Variants in MCPH1 observed in about 807,000 individuals in gnomAD.
MCPH1 encodes the protein microcephalin.
A neutral mutation model predicts 84.5 loss-of-function variants in MCPH1; 104 were observed. The ratio of observed to expected loss-of-function variants is 1.23; its 90% CI spans 1.05 to 1.45. The LOEUF (loss-of-function observed/expected upper bound fraction) is 1.45, where lower values mean the gene tolerates loss of function less well. Among genes scored for constraint, MCPH1 ranks in the 40% most tolerant of loss-of-function variants. The probability of loss-of-function intolerance (pLI) is 0.00; values close to 1 mark genes in which losing one functional copy is unlikely to be tolerated. For missense variants in MCPH1, 1,498 were observed against 1,005.7 expected, an observed-to-expected ratio of 1.49 and a Z score of -6.62; for synonymous variants, 514 against 366.8, an observed-to-expected ratio of 1.40 and a Z score of -4.58.
chr8:6,618,054 T>C (rs1831030263), intron 12 of MCPH1, among the ~76,000 whole-genome samples: 1 of 152,102 alleles, frequency 6.6e-6, no homozygotes, highest in African/African-American at 2.4e-5. Flanking sequence ...TTACAGGTGT[T>C]AGCCACTTTG....
At chr8:6,451,893 C>T (rs1805133302) in intron 8 of MCPH1, among the ~76,000 whole-genome samples, 2 of 152,186 alleles carry the variant, frequency 1.3e-5, no homozygotes, top group Admixed American at 1.3e-4. Context: ...TTGACTCTTG[C>T]ATAGTGCATT....
intron 11 of MCPH1, among the ~76,000 whole-genome samples, chr8:6,486,094 A>G (rs1191175786): frequency 1.3e-5 from 2 of 152,170 alleles, no homozygotes; most frequent in Admixed American, 6.5e-5. Flanking sequence ...TGCCACCACC[A>G]TTTACAAAGC....
chr8:6,479,150 C>G lies in MCPH1; in HGVS notation c.1973+1519C>G, dbSNP rs1215201708. Among the ~76,000 whole-genome samples, 4 of 152,006 alleles carry G rather than the reference C, an allele frequency of 2.6e-5. No homozygotes were observed. The East Asian group carries it at 5.8e-4, about 22-fold the overall frequency. ...ACTTGGTGGTGAATTGCCTATAGTC[C>G]CAACTACTTGGGAGGATAAGGCAGG... On this transcript the variant is annotated intron_variant, in intron 10 of 13. Transcript: ENST00000344683.
At chr8:6,485,940 G>C (rs987593515) in intron 11 of MCPH1, among the ~76,000 whole-genome samples, 1 of 152,110 alleles carries the variant, frequency 6.6e-6, no homozygotes. Context: ...CCCTCAAAAA[G>C]TTTAGAAACA....
At chr8:6,513,133 C>T (rs915599397) in intron 12 of MCPH1, among the ~76,000 whole-genome samples, 1 of 152,140 alleles carries the variant, frequency 6.6e-6, no homozygotes, top group African/African-American at 2.4e-5. Context: ...TTCTTCTAGG[C>T]TTTGAAGATA....
At chr8:6,604,580 C>T (rs1372123378) in intron 12 of MCPH1, among the ~76,000 whole-genome samples, 1 of 152,264 alleles carries the variant, frequency 6.6e-6, no homozygotes, top group Non-Finnish European at 1.5e-5. Flanking sequence ...ACTCGGCTCA[C>T]TGCAATCTCT....
At chr8:6,580,112 G>A (rs973264391) in intron 12 of MCPH1, among the ~76,000 whole-genome samples, 20 of 152,212 alleles carry the variant, frequency 1.3e-4, no homozygotes, top group Admixed American at 2.0e-4. Context: ...GGGACAATGG[G>A]AAGTATCGGT....
chr8:6,443,166 C>T (rs749495864), intron 7 of MCPH1, among the ~76,000 whole-genome samples: 5 of 152,198 alleles, frequency 3.3e-5, no homozygotes, highest in Non-Finnish European at 5.9e-5. Context: ...AAAACCAGGA[C>T]ACAGAGGTCA....
intron 12 of MCPH1, among the ~76,000 whole-genome samples, chr8:6,572,460 A>C (rs1044978684): frequency 3.9e-5 from 6 of 152,230 alleles, no homozygotes; most frequent in African/African-American, 1.4e-4. Flanking sequence ...TTGTTATTAC[A>C]ATTGTTAATG....
At chr8:6,613,401 T>C (rs1383138760) in intron 12 of MCPH1, among the ~76,000 whole-genome samples, 2 of 151,748 alleles carry the variant, frequency 1.3e-5, no homozygotes, top group Admixed American at 1.3e-4. Context: ...TAACCCGGGT[T>C]GTGGTTTGAC....
intron 12 of MCPH1, among the ~76,000 whole-genome samples, chr8:6,536,655 C>T (rs755075570): frequency 6.6e-6 from 1 of 152,094 alleles, no homozygotes; most frequent in African/African-American, 2.4e-5. Context: ...GGATGTCCAT[C>T]ATATAGTATA....
chr8:6,559,414 A>G (rs1393580672), intron 12 of MCPH1, among the ~76,000 whole-genome samples: 1 of 152,198 alleles, frequency 6.6e-6, no homozygotes, highest in Non-Finnish European at 1.5e-5. Context: ...CTCATATATT[A>G]TTAAAAAGAT....
chr8:6,611,075 C>T (rs138793115), intron 12 of MCPH1, among the ~76,000 whole-genome samples: 19 of 152,134 alleles, frequency 1.2e-4, no homozygotes, highest in African/African-American at 4.3e-4. Flanking sequence ...ACTACTGCTA[C>T]TGCTTCTACT....
chr8:6,474,587 C>T (rs936986350), intron 9 of MCPH1, among the ~76,000 whole-genome samples: 9 of 152,124 alleles, frequency 5.9e-5, no homozygotes, highest in African/African-American at 1.9e-4. Context: ...GTTAATGATT[C>T]AATTTGATTA....
chr8:6,581,588 A>T (rs932126617), intron 12 of MCPH1, among the ~76,000 whole-genome samples: 1 of 152,240 alleles, frequency 6.6e-6, no homozygotes, highest in Non-Finnish European at 1.5e-5. Context: ...TATTCTTACA[A>T]AACACAGTTA....
chr8:6,484,656 G>A (rs1464521554), intron 11 of MCPH1, among the ~76,000 whole-genome samples: 1 of 152,238 alleles, frequency 6.6e-6, no homozygotes, highest in Non-Finnish European at 1.5e-5. Flanking sequence ...TCAACCAGCT[G>A]GACCAACCAT....
intron 12 of MCPH1, among the ~76,000 whole-genome samples, chr8:6,582,468 A>G (rs769999626): frequency 2.0e-5 from 3 of 152,198 alleles, no homozygotes; most frequent in Non-Finnish European, 4.4e-5. Flanking sequence ...TTAACCTCAG[A>G]CACACAGAAT....
intron 13 of MCPH1, among the ~76,000 whole-genome samples, chr8:6,632,272 G>A (rs1267753452): frequency 6.6e-6 from 1 of 152,192 alleles, no homozygotes; most frequent in Non-Finnish European, 1.5e-5. Context: ...AGTGATGGCT[G>A]CACAGCATTG....
At position 6,480,777 on chromosome 8, in the gene MCPH1, C is replaced by G. The variant is rs760830408; in HGVS notation, c.2037C>G (p.Val679=). ...KLKGFSIAPD[V]CETTTHVLSG... Reference sequence around the variant, plus strand: ...AAGGCTTTTCAATTGCACCAGACGTCTGTGAGACCACGACTCACGTGCTTT... The same window carrying G: ...AAGGCTTTTCAATTGCACCAGACGTGTGTGAGACCACGACTCACGTGCTTT... Residue 679 remains valine (V), a synonymous_variant, in exon 11 of 14, where the codon GTC becomes GTG. Coordinates refer to ENST00000344683, the MANE Select transcript of MCPH1 (RefSeq NM_024596.5). 1.8e-5 allele frequency: 29 copies of G among 1,614,226 alleles called. No individual in the cohort carries two copies. The highest frequency in any genetic ancestry group is 2.5e-5 in the Non-Finnish European group (29 of 1,180,032).
Sources: allele counts gnomAD v4.1 joint callset (sites outside exome capture counted in the v4.1 genomes callset), GRCh38; gene constraint gnomAD v4.1.1; transcripts MANE v1.5; gene names NCBI Gene and HGNC (gene_info 2026-07-23, HGNC 2026-07-21).